Variants in RBFOX1 observed in about 807,000 individuals in gnomAD.
RBFOX1 encodes RNA binding fox-1 homolog 1, also known as RNA binding protein fox-1 homolog 1.
Under a neutral mutation model 57.7 loss-of-function variants are expected in RBFOX1, and 8 were observed. The ratio of observed to expected loss-of-function variants is 0.14; its 90% CI spans 0.08 to 0.25. The LOEUF (loss-of-function observed/expected upper bound fraction) is 0.25. RBFOX1 is among the 10% of genes least tolerant of loss of function. The pLI is 1.00. For synonymous variants in RBFOX1, 326 were observed against 222.4 expected (o/e 1.47, Z -4.15); for missense variants, 611 against 548.5 (o/e 1.11, Z -1.14).
At chr16:6,193,410 A>AC (rs1177653020) in intron 1 of RBFOX1, among the ~76,000 whole-genome samples, 4 of 93,416 alleles carry the variant, frequency 4.3e-5, no homozygotes, top group Admixed American at 3.6e-4. Context: ...ATATATATAT[A>AC]TATATATATA....
At chr16:6,895,462 ATATATATATATATATATATATATATT>A (rs1567761518) in intron 3 of RBFOX1, among the ~76,000 whole-genome samples, 3 of 94,768 alleles carry the variant, frequency 3.2e-5, no homozygotes, top group Admixed American at 9.9e-5. Flanking sequence ...ATATATATAT[ATATATATATATATATATATATATATT>A]TATTCCCCTA....
intron 3 of RBFOX1, among the ~76,000 whole-genome samples, chr16:6,765,969 C>G (rs1160271165): frequency 6.6e-6 from 1 of 152,032 alleles, no homozygotes; most frequent in Non-Finnish European, 1.5e-5. Context: ...ACATTGGAGA[C>G]TCAGAAGATG....
intron 3 of RBFOX1, among the ~76,000 whole-genome samples, chr16:6,834,825 T>C (rs1245968589): frequency 6.6e-6 from 1 of 152,126 alleles, no homozygotes; most frequent in Non-Finnish European, 1.5e-5. Flanking sequence ...CCAATGTGTT[T>C]GTGACTTTGT....
At chr16:6,686,578 A>G (rs1275592396) in intron 3 of RBFOX1, among the ~76,000 whole-genome samples, 1 of 152,228 alleles carries the variant, frequency 6.6e-6, no homozygotes, top group African/African-American at 2.4e-5. Context: ...GGGTGAACAC[A>G]TTCTTCAATA....
chr16:6,639,066 C>T (rs1027311350), intron 2 of RBFOX1, among the ~76,000 whole-genome samples: 1 of 152,202 alleles, frequency 6.6e-6, no homozygotes, highest in Non-Finnish European at 1.5e-5. Context: ...AAAGCTTAGC[C>T]ATCGTTTCAC....
chr16:6,607,197 T>C (rs1485348643), intron 2 of RBFOX1, among the ~76,000 whole-genome samples: 5 of 152,182 alleles, frequency 3.3e-5, no homozygotes, highest in Non-Finnish European at 7.3e-5. Flanking sequence ...ATCTGACTAC[T>C]GATTGGGGAC....
chr16:5,572,339 TC>T (rs2046309936), intron 2 of RBFOX1, among the ~76,000 whole-genome samples: 1 of 152,144 alleles, frequency 6.6e-6, no homozygotes, highest in Admixed American at 6.6e-5. Flanking sequence ...AGGCAGTGAG[TC>T]CATGGCAATG....
intron 3 of RBFOX1, among the ~76,000 whole-genome samples, chr16:6,725,516 C>T (rs1026407294): frequency 1.3e-5 from 2 of 152,004 alleles, no homozygotes; most frequent in African/African-American, 4.8e-5. Flanking sequence ...TTGGGAATTG[C>T]CCACCCCTTT....
intron 4 of RBFOX1, among the ~76,000 whole-genome samples, chr16:7,504,732 TA>T (rs2072313242): frequency 6.9e-4 from 6 of 8,636 alleles, no homozygotes; most frequent in African/African-American, 8.5e-4. Flanking sequence ...TATATATATA[TA>T]TATATATATA....
intron 3 of RBFOX1, among the ~76,000 whole-genome samples, chr16:6,840,779 C>T (rs1287620866): frequency 1.3e-5 from 2 of 150,310 alleles, no homozygotes; most frequent in Admixed American, 6.7e-5. Context: ...CCCAGCTACT[C>T]GGGAGGCTGA....
intron 2 of RBFOX1, among the ~76,000 whole-genome samples, chr16:5,550,438 C>A: frequency 6.6e-6 from 1 of 152,138 alleles, no homozygotes; most frequent in Non-Finnish European, 1.5e-5. Context: ...GATCCATCAG[C>A]CACCAAAGAA....
intron 3 of RBFOX1, among the ~76,000 whole-genome samples, chr16:5,821,421 G>T (rs1465611252): frequency 6.7e-6 from 1 of 150,252 alleles, no homozygotes; most frequent in East Asian, 2.0e-4. Flanking sequence ...TTCTGCCTCA[G>T]CCTCCCAAGT....
At chr16:5,998,357 C>T (rs1246322583) in intron 4 of RBFOX1, among the ~76,000 whole-genome samples, 1 of 152,162 alleles carries the variant, frequency 6.6e-6, no homozygotes, top group Non-Finnish European at 1.5e-5. Flanking sequence ...TTTACATTTG[C>T]ATTGTCTATA....
intron 2 of RBFOX1, among the ~76,000 whole-genome samples, chr16:6,584,766 C>T (rs2097583837): frequency 6.6e-6 from 1 of 152,154 alleles, no homozygotes; most frequent in Non-Finnish European, 1.5e-5. Context: ...CCCACCAAGG[C>T]AGGACCAGCC....
chr16:7,004,674 G>C (rs2093142470), intron 3 of RBFOX1, among the ~76,000 whole-genome samples: 1 of 152,118 alleles, frequency 6.6e-6, no homozygotes, highest in African/African-American at 2.4e-5. Context: ...TTCTATATAG[G>C]GAAAATATAC....
chr16:5,444,537 G>A (rs115316438), intron 1 of RBFOX1, among the ~76,000 whole-genome samples: 7 of 152,060 alleles, frequency 4.6e-5, no homozygotes, highest in African/African-American at 4.8e-5. Context: ...TGAAGATTGC[G>A]CCACCGATCG....
rs770253078 is a variant in RBFOX1, at chr16:6,220,015, A to G, written c.-126-96980A>G. Among the ~76,000 whole-genome samples, 5 of 152,054 alleles carry G rather than the reference A, an allele frequency of 3.3e-5. No homozygotes were observed. The East Asian group carries it at 9.6e-4, about 29-fold the overall frequency. On this transcript the variant is annotated intron_variant, in intron 1 of 15. Coordinates refer to ENST00000550418, the MANE Select transcript of RBFOX1 (RefSeq NM_018723.4). Reference sequence around the variant, plus strand: ...GTGTGTGTATCATCCATCATCTACTATTTATCTTTCTGTCTTCATCTGTCA... The same window carrying G: ...GTGTGTGTATCATCCATCATCTACTGTTTATCTTTCTGTCTTCATCTGTCA...
At chr16:5,876,253 C>A (rs774097809) in intron 4 of RBFOX1, among the ~76,000 whole-genome samples, 1 of 152,182 alleles carries the variant, frequency 6.6e-6, no homozygotes, top group Non-Finnish European at 1.5e-5. Flanking sequence ...CCAGGCCACT[C>A]TGCAAGTCAT....
chr16:7,120,862 C>T lies in RBFOX1; in HGVS notation c.27+68764C>T, dbSNP rs560156948. On this transcript the variant is annotated intron_variant, in intron 4 of 15. Transcript: ENST00000550418. ...ACACACACACACACACACACACATA[C>T]GTAAACATATATCATGGAATACATA... is the stretch of plus-strand genomic sequence containing the variant. 2.2e-4 allele frequency among the ~76,000 whole-genome samples: 32 copies of T among 143,818 alleles called. No homozygotes were observed. The South Asian group carries it at 5.9e-3, about 27-fold the overall frequency. The allele number at this position is 143,818 out of a possible 152,430, so 94.4% of individuals were successfully genotyped here.
Sources: allele counts gnomAD v4.1 joint callset (sites outside exome capture counted in the v4.1 genomes callset), GRCh38; gene constraint gnomAD v4.1.1; transcripts MANE v1.5; gene names NCBI Gene and HGNC (gene_info 2026-07-23, HGNC 2026-07-21).